MARCHF1: variants seen among roughly 807,000 people sequenced by gnomAD.
The protein encoded by MARCHF1 is E3 ubiquitin-protein ligase MARCHF1.
In MARCHF1, 40 loss-of-function variants were observed where a neutral mutation model predicts 54.2. The ratio of observed to expected loss-of-function variants is 0.74; its 90% confidence interval spans 0.57 to 0.96. The LOEUF (loss-of-function observed/expected upper bound fraction) is 0.96, where lower values mean the gene tolerates loss of function less well. MARCHF1 is among the 40% of genes least tolerant of loss of function. The probability of loss-of-function intolerance (pLI) is 0.00; values close to 1 mark genes in which losing one functional copy is unlikely to be tolerated. For synonymous variants in MARCHF1, 236 were observed against 236.3 expected (o/e 1.00, Z 0.01); for missense variants, 586 against 656.5 (o/e 0.89, Z 1.17).
chr4:163,856,743 G>C lies in MARCHF1; in HGVS notation c.-38-2574C>G, dbSNP rs1579343754. On this transcript the variant is annotated intron_variant, in intron 3 of 9. Transcript: ENST00000514618. ...GCCTCCAAAGGGGCTGGGCACCATG[G>C]CTCATGCCTGTAATCCCAGCACTTT... 3.3e-5 allele frequency among the ~76,000 whole-genome samples: 5 copies of C among 152,276 alleles called. No individual in the cohort carries two copies. The South Asian group carries it at 1.0e-3, about 32-fold the overall frequency.
At chr4:164,098,148 C>T (rs75248233) in intron 2 of MARCHF1, among the ~76,000 whole-genome samples, 7,611 of 152,124 alleles carry the variant, frequency 0.05, 235 homozygotes, top group Middle Eastern at 0.11. Context: ...TGCTCTTTCC[C>T]GCTTCACACC....
intron 1 of MARCHF1, among the ~76,000 whole-genome samples, chr4:164,204,841 G>A (rs908842291): frequency 3.3e-5 from 5 of 152,174 alleles, no homozygotes; most frequent in Non-Finnish European, 7.4e-5. Flanking sequence ...TCAAGGCCTT[G>A]TAAACTTAAA....
intron 5 of MARCHF1, among the ~76,000 whole-genome samples, chr4:163,632,260 G>A (rs141807856): frequency 0.015 from 2,344 of 152,254 alleles, 44 homozygotes; most frequent in Non-Finnish European, 0.021. Context: ...GGCCGAATAG[G>A]AACAGCTCCG....
At chr4:164,004,280 C>T (rs1015116126) in intron 2 of MARCHF1, among the ~76,000 whole-genome samples, 11 of 150,854 alleles carry the variant, frequency 7.3e-5, no homozygotes, top group African/African-American at 2.7e-4. Flanking sequence ...GCACATGTAT[C>T]CCAGAACTTA....
intron 8 of MARCHF1, chr4:163,584,916 GC>G (rs1473536382): frequency 6.6e-6 from 1 of 152,192 alleles, no homozygotes; most frequent in Non-Finnish European, 1.5e-5. Context: ...AACTGAGGCA[GC>G]CATATATGTA....
chr4:163,986,333 C>T (rs1579441931), intron 3 of MARCHF1, among the ~76,000 whole-genome samples: 2 of 133,054 alleles, frequency 1.5e-5, no homozygotes, highest in South Asian at 4.9e-4. Flanking sequence ...GGCGCGATCT[C>T]GGCTCACTGC....
At chr4:163,558,568 C>T (rs529188443) in intron 8 of MARCHF1, among the ~76,000 whole-genome samples, 1 of 152,186 alleles carries the variant, frequency 6.6e-6, no homozygotes, top group Non-Finnish European at 1.5e-5. Context: ...TTTACATCAA[C>T]AGCTGAGGGA....
intron 1 of MARCHF1, among the ~76,000 whole-genome samples, chr4:164,265,501 G>GGGACCTCCTGAGTAGCTT: frequency 8.4e-6 from 1 of 118,518 alleles, no homozygotes; most frequent in East Asian, 2.8e-4. Context: ...CTGAGTAGCT[G>GGGACCTCCTGAGTAGCTT]GGACCACACA....
rs148807923 is a variant in MARCHF1 at position 164,196,666 on chromosome 4, TAAAAG to T, written c.-322-85009_-322-85005del. Among the ~76,000 whole-genome samples, 484 of 152,260 alleles carry T rather than the reference TAAAAG, an allele frequency of 3.2e-3. 1 individual carries two copies. Among genetic ancestry groups the T allele is most frequent in the African/African-American group, 0.011 (459 of 41,542 alleles). On this transcript the variant is annotated intron_variant, in intron 1 of 9. Coordinates refer to ENST00000514618, the MANE Select transcript of MARCHF1 (RefSeq NM_001394959.1). ...TTCCTTGGACTAAAAGGACTATACT[TAAAAG>T]AATAGAATGTGTAAAAAAATAAAAA...
At chr4:163,836,861 C>A (rs185951233) in intron 4 of MARCHF1, among the ~76,000 whole-genome samples, 67 of 151,634 alleles carry the variant, frequency 4.4e-4, no homozygotes, top group African/African-American at 1.5e-3. Flanking sequence ...CCCCTGGAAG[C>A]CTCACAGAGT....
At chr4:163,942,383 C>T (rs1174139667) in intron 3 of MARCHF1, among the ~76,000 whole-genome samples, 1 of 152,178 alleles carries the variant, frequency 6.6e-6, no homozygotes, top group Non-Finnish European at 1.5e-5. Context: ...TATAGCTCGT[C>T]AAGTCTTACA....
At chr4:164,273,615 C>G (rs1461431649) in intron 1 of MARCHF1, among the ~76,000 whole-genome samples, 1 of 152,094 alleles carries the variant, frequency 6.6e-6, no homozygotes, top group Non-Finnish European at 1.5e-5. Flanking sequence ...AGAACGTGGC[C>G]TTGTAAGAAA....
chr4:164,199,571 G>A (rs1731379813), intron 1 of MARCHF1, among the ~76,000 whole-genome samples: 1 of 151,450 alleles, frequency 6.6e-6, no homozygotes, highest in African/African-American at 2.4e-5. Flanking sequence ...GAGAGGCAGA[G>A]ACTGCAGTAA....
chr4:163,544,408 A>G (rs114157017), intron 9 of MARCHF1, among the ~76,000 whole-genome samples: 1,993 of 152,244 alleles, frequency 0.013, 38 homozygotes, highest in African/African-American at 0.045. Flanking sequence ...TAGTGCTTTC[A>G]TTTTCTTCCA....
intron 5 of MARCHF1, among the ~76,000 whole-genome samples, chr4:163,654,762 T>C (rs1004741078): frequency 2.6e-5 from 4 of 151,698 alleles, no homozygotes; most frequent in African/African-American, 9.7e-5. Context: ...GGTAAGTCAC[T>C]TGTAAATTCC....
At chr4:163,879,634 T>C (rs1273257675) in intron 3 of MARCHF1, among the ~76,000 whole-genome samples, 1 of 152,140 alleles carries the variant, frequency 6.6e-6, no homozygotes, top group Non-Finnish European at 1.5e-5. Context: ...ATCTGAAAAG[T>C]GTTATATCAA....
At chr4:163,560,762 A>G (rs1739441610) in intron 8 of MARCHF1, among the ~76,000 whole-genome samples, 1 of 152,124 alleles carries the variant, frequency 6.6e-6, no homozygotes, top group East Asian at 1.9e-4. Flanking sequence ...ATCCCTAAGT[A>G]TCTAATAATT....
chr4:163,812,525 A>G (rs1748421313), intron 4 of MARCHF1, among the ~76,000 whole-genome samples: 1 of 152,166 alleles, frequency 6.6e-6, no homozygotes, highest in African/African-American at 2.4e-5. Flanking sequence ...TGGGAAGTCA[A>G]GGCGGGTGGA....
At chr4:163,774,549 G>A (rs957790938) in intron 4 of MARCHF1, among the ~76,000 whole-genome samples, 5 of 149,916 alleles carry the variant, frequency 3.3e-5, no homozygotes, top group Non-Finnish European at 5.9e-5. Context: ...CCAGGCTGGA[G>A]TGCAATGGTG....
Sources: allele counts gnomAD v4.1 joint callset (sites outside exome capture counted in the v4.1 genomes callset), GRCh38; gene constraint gnomAD v4.1.1; transcripts MANE v1.5; gene names NCBI Gene and HGNC (gene_info 2026-07-23, HGNC 2026-07-21).